Variants in ARHGAP15 observed in about 807,000 individuals in gnomAD.
ARHGAP15 encodes Rho GTPase activating protein 15, also known as rho GTPase-activating protein 15.
In ARHGAP15, 51 loss-of-function variants were observed where a neutral mutation model predicts 63.7. That is an observed-to-expected ratio of 0.80 (90% CI 0.64 to 1.01). The LOEUF (loss-of-function observed/expected upper bound fraction) is 1.01, where lower values mean the gene tolerates loss of function less well. ARHGAP15 is among the 50% of genes least tolerant of loss of function. The pLI is 0.00. For missense variants in ARHGAP15, 560 were observed against 564.6 expected (o/e 0.99, Z 0.08); for synonymous variants, 191 against 193.8 (o/e 0.99, Z 0.12).
chr2:143,654,625 C>A (rs1681338204), intron 12 of ARHGAP15, among the ~76,000 whole-genome samples: 1 of 152,178 alleles, frequency 6.6e-6, no homozygotes, highest in African/African-American at 2.4e-5. Flanking sequence ...CAAGCATCCT[C>A]ATTTATCCAA....
At chr2:143,668,049 TAAAA>T (rs558158911) in intron 12 of ARHGAP15, among the ~76,000 whole-genome samples, 186 of 148,840 alleles carry the variant, frequency 1.2e-3, no homozygotes, top group Non-Finnish European at 2.3e-3. Flanking sequence ...GAGAAACATT[TAAAA>T]AAAAAAGTTG....
At chr2:143,382,099 TC>T (rs1558933916) in intron 6 of ARHGAP15, among the ~76,000 whole-genome samples, 355 of 28,628 alleles carry the variant, frequency 0.012, 3 homozygotes, top group South Asian at 0.058. Flanking sequence ...CCTTCCTCCC[TC>T]CCTTTCCTTC....
At chr2:143,135,287 A>G (rs1689092078) in intron 1 of ARHGAP15, among the ~76,000 whole-genome samples, 1 of 152,218 alleles carries the variant, frequency 6.6e-6, no homozygotes, top group African/African-American at 2.4e-5. Flanking sequence ...TAGACAGAAT[A>G]TCTTATTTTA....
intron 12 of ARHGAP15, among the ~76,000 whole-genome samples, chr2:143,694,055 G>A (rs186137583): frequency 9.9e-5 from 15 of 152,236 alleles, no homozygotes; most frequent in East Asian, 5.8e-4. Flanking sequence ...AAAGTACTGC[G>A]CAGGCTTTAT....
chr2:143,336,528 A>T (rs1684781797), intron 6 of ARHGAP15, among the ~76,000 whole-genome samples: 1 of 151,446 alleles, frequency 6.6e-6, no homozygotes, highest in Admixed American at 6.6e-5. Flanking sequence ...TGATTTTCAA[A>T]TTATTTTTAG....
chr2:143,694,619 T>G (rs924215103), intron 12 of ARHGAP15, among the ~76,000 whole-genome samples: 2 of 152,224 alleles, frequency 1.3e-5, no homozygotes, highest in Non-Finnish European at 2.9e-5. Context: ...TTTTTCTTCT[T>G]TTACAATAGT....
chr2:143,240,999 G>C (rs1447639227), intron 5 of ARHGAP15, among the ~76,000 whole-genome samples: 1 of 151,854 alleles, frequency 6.6e-6, no homozygotes, highest in African/African-American at 2.4e-5. Context: ...CCTCACCTTA[G>C]GCTCTCTCAG....
intron 6 of ARHGAP15, among the ~76,000 whole-genome samples, chr2:143,420,805 T>C (rs1688885647): frequency 6.6e-6 from 1 of 152,286 alleles, no homozygotes; most frequent in African/African-American, 2.4e-5. Flanking sequence ...CATCTGTGAT[T>C]TGTGTCCTAC....
At chr2:143,560,760 A>G (rs1695987662) in intron 11 of ARHGAP15, among the ~76,000 whole-genome samples, 1 of 152,336 alleles carries the variant, frequency 6.6e-6, no homozygotes, top group African/African-American at 2.4e-5. Context: ...CATTCTCTGT[A>G]TGGCTTTATG....
chr2:143,512,233 A>T (rs1284232081), intron 9 of ARHGAP15, among the ~76,000 whole-genome samples: 2 of 152,224 alleles, frequency 1.3e-5, no homozygotes, highest in Non-Finnish European at 2.9e-5. Context: ...AATATCTCTC[A>T]TAAAAAGAGG....
At chr2:143,753,046 G>A (rs974491862) in intron 13 of ARHGAP15, among the ~76,000 whole-genome samples, 10 of 152,160 alleles carry the variant, frequency 6.6e-5, no homozygotes, top group Admixed American at 2.6e-4. Flanking sequence ...TCAGCAGGTC[G>A]AGGCGGGAAG....
At chr2:143,286,583 C>T (rs1050082343) in intron 6 of ARHGAP15, among the ~76,000 whole-genome samples, 4 of 152,148 alleles carry the variant, frequency 2.6e-5, no homozygotes, top group Non-Finnish European at 5.9e-5. Context: ...CAATTAAATG[C>T]ACTGCTTCCT....
At chr2:143,393,698 A>C (rs919101828) in intron 6 of ARHGAP15, among the ~76,000 whole-genome samples, 3 of 137,070 alleles carry the variant, frequency 2.2e-5, no homozygotes, top group African/African-American at 8.4e-5. Flanking sequence ...ACTGCACTCC[A>C]ACCTGGGTGA....
In ARHGAP15 at chr2:143,673,055, C is replaced by T. The variant is rs191781206; in HGVS notation, c.1139-30364C>T. Among the ~76,000 whole-genome samples the T allele has an allele frequency of 5.3e-5, 8 of 152,158 alleles. No homozygotes were observed. In the East Asian group the frequency reaches 1.2e-3, roughly 22 times the overall value. ...ATTAAGAAAAGGGAACCACACAATA[C>T]GAGCCCCATGATTGTGCCAGCTTTC... On this transcript the variant is annotated intron_variant, in intron 12 of 13. Coordinates refer to ENST00000295095, the MANE Select transcript of ARHGAP15 (RefSeq NM_018460.4).
intron 12 of ARHGAP15, among the ~76,000 whole-genome samples, chr2:143,655,737 A>G (rs1439725721): frequency 1.3e-5 from 2 of 152,198 alleles, no homozygotes; most frequent in African/African-American, 4.8e-5. Context: ...CATAGACCAA[A>G]AACAAGAATC....
intron 6 of ARHGAP15, among the ~76,000 whole-genome samples, chr2:143,281,651 A>G (rs930071601): frequency 2.6e-5 from 4 of 152,078 alleles, no homozygotes; most frequent in Non-Finnish European, 5.9e-5. Context: ...ACATTGGCCA[A>G]CTGTTAATGA....
chr2:143,748,069 G>T (rs1686235957), intron 13 of ARHGAP15, among the ~76,000 whole-genome samples: 1 of 152,152 alleles, frequency 6.6e-6, no homozygotes, highest in Non-Finnish European at 1.5e-5. Context: ...AAAAAGATGA[G>T]AATTACAAAA....
intron 6 of ARHGAP15, among the ~76,000 whole-genome samples, chr2:143,431,846 C>T (rs1164322091): frequency 6.6e-6 from 1 of 151,964 alleles, no homozygotes; most frequent in Non-Finnish European, 1.5e-5. Context: ...TTCTTCTGTA[C>T]ATGAAATTAT....
chr2:143,486,444 G>A (rs1692328014), intron 8 of ARHGAP15, among the ~76,000 whole-genome samples: 1 of 151,428 alleles, frequency 6.6e-6, no homozygotes, highest in African/African-American at 2.4e-5. Flanking sequence ...GGTGTAGCCA[G>A]TAGTCCCAGC....
Sources: allele counts gnomAD v4.1 joint callset (sites outside exome capture counted in the v4.1 genomes callset), GRCh38; gene constraint gnomAD v4.1.1; transcripts MANE v1.5; gene names NCBI Gene and HGNC (gene_info 2026-07-23, HGNC 2026-07-21).